Variants in TMTC2 observed in about 807,000 individuals in gnomAD.
The protein encoded by TMTC2 is transmembrane O-mannosyltransferase targeting cadherins 2, also known as protein O-mannosyl-transferase TMTC2.
In TMTC2, 43 loss-of-function variants were observed where a neutral mutation model predicts 82.4. That is an observed-to-expected ratio of 0.52 (90% CI 0.41 to 0.67). TMTC2 has a LOEUF of 0.67. Among genes scored for constraint, TMTC2 ranks in the 30% least tolerant of loss-of-function variants. The probability of loss-of-function intolerance (pLI) is 0.00; values close to 1 mark genes in which losing one functional copy is unlikely to be tolerated. For missense variants in TMTC2, 919 were observed against 1,012.4 expected, an observed-to-expected ratio of 0.91 and a Z score of 1.25; for synonymous variants, 408 against 381.9, an observed-to-expected ratio of 1.07 and a Z score of -0.80.
At position 82,937,786 on chromosome 12, in the gene TMTC2, A is replaced by ATATATG. The variant is rs1565818422; in HGVS notation, c.1598+7246_1598+7247insGTATAT. On this transcript the variant is annotated intron_variant, in intron 4 of 11. Transcript: ENST00000321196. Reference sequence around the variant, plus strand: ...TATATATATATATATATATATATATATATATATATACACACATATATATAT... The same window carrying ATATATG: ...TATATATATATATATATATATATATATATATGTATATATATACACACATATATATAT... Among the ~76,000 whole-genome samples, 47 of 23,132 alleles carry ATATATG rather than the reference A, an allele frequency of 2.0e-3. 1 individual carries two copies. Among genetic ancestry groups the ATATATG allele is most frequent in the South Asian group, 3.8e-3 (2 of 520 alleles). 15.2% of individuals were successfully genotyped at this position (23,132 alleles called of 152,430 possible).
chr12:82,831,428 T>C (rs972990866), intron 1 of TMTC2, among the ~76,000 whole-genome samples: 1 of 152,354 alleles, frequency 6.6e-6, no homozygotes, highest in East Asian at 1.9e-4. Flanking sequence ...ACATTATGTC[T>C]CATTGATCAG....
chr12:83,069,280 C>T (rs531454166), intron 11 of TMTC2, among the ~76,000 whole-genome samples: 1 of 152,162 alleles, frequency 6.6e-6, no homozygotes, highest in Non-Finnish European at 1.5e-5. Flanking sequence ...ACACCATTTT[C>T]CATAGTAGTT....
intron 3 of TMTC2, among the ~76,000 whole-genome samples, chr12:82,919,140 G>T (rs990133404): frequency 1.4e-4 from 21 of 152,338 alleles, no homozygotes; most frequent in East Asian, 7.7e-4. Flanking sequence ...TATTGTGCTG[G>T]CATCTGGCAA....
At chr12:82,927,258 A>G (rs534618506) in intron 3 of TMTC2, among the ~76,000 whole-genome samples, 3 of 152,180 alleles carry the variant, frequency 2.0e-5, no homozygotes, top group South Asian at 2.1e-4. Context: ...GTTGATTCCA[A>G]TCCTTATGGA....
intron 1 of TMTC2, among the ~76,000 whole-genome samples, chr12:82,696,422 A>T (rs1233888313): frequency 6.6e-6 from 1 of 152,194 alleles, no homozygotes; most frequent in African/African-American, 2.4e-5. Flanking sequence ...AGGGATATAT[A>T]CTGATTTAAC....
chr12:82,710,713 C>A (rs1050847229), intron 1 of TMTC2, among the ~76,000 whole-genome samples: 1 of 152,154 alleles, frequency 6.6e-6, no homozygotes, highest in Non-Finnish European at 1.5e-5. Context: ...TCATTGACTA[C>A]TGGGAGTCCT....
intron 7 of TMTC2, among the ~76,000 whole-genome samples, chr12:82,976,103 ATC>A (rs1208619707): frequency 6.6e-6 from 1 of 152,062 alleles, no homozygotes; most frequent in Non-Finnish European, 1.5e-5. Context: ...CACACACACA[ATC>A]TCACTCTATA....
At position 83,041,954 on chromosome 12, in the gene TMTC2, G is replaced by A. The variant is rs115282384; in HGVS notation, c.2153-8950G>A. On this transcript the variant is annotated intron_variant, in intron 9 of 11. Transcript: ENST00000321196. ...CACACACAAACACATTGGTGGGGCA[G>A]GGAGAGAAACAGTTTCTCCAGTCTT... Among the ~76,000 whole-genome samples, 199 of 152,266 alleles carry A rather than the reference G, an allele frequency of 1.3e-3. 1 individual carries two copies. The highest frequency in any genetic ancestry group is 4.4e-3 in the African/African-American group (183 of 41,556).
intron 1 of TMTC2, among the ~76,000 whole-genome samples, chr12:82,734,034 C>T (rs1225792640): frequency 6.6e-6 from 1 of 152,158 alleles, no homozygotes; most frequent in Non-Finnish European, 1.5e-5. Flanking sequence ...TCATTCATGT[C>T]TTCAGTGTCA....
At chr12:82,728,272 C>T (rs1874566482) in intron 1 of TMTC2, among the ~76,000 whole-genome samples, 1 of 151,656 alleles carries the variant, frequency 6.6e-6, no homozygotes, top group Admixed American at 6.6e-5. Context: ...TACCCCAGAG[C>T]CTGGTATACA....
intron 1 of TMTC2, among the ~76,000 whole-genome samples, chr12:82,749,168 A>T (rs1224351353): frequency 6.6e-6 from 1 of 152,220 alleles, no homozygotes; most frequent in Non-Finnish European, 1.5e-5. Flanking sequence ...GGTGGCTCAG[A>T]GTATGTTTGC....
Position 82,857,581 on chromosome 12 carries a change from G to C in TMTC2, c.654+1G>C. ...ACAGATATTACCTACCATTTACAAA[G>C]TAAGTGATTGTTGGCTCTTGAGCAT... On this transcript the variant is annotated splice_donor_variant, in intron 2 of 11. Coordinates refer to ENST00000321196, the MANE Select transcript of TMTC2 (RefSeq NM_152588.3). LOFTEE classifies it high-confidence loss of function. 7.5e-6 allele frequency: 12 copies of C among 1,593,940 alleles called. No individual in the cohort carries two copies. The highest frequency in any genetic ancestry group is 1.0e-5 in the Non-Finnish European group (12 of 1,169,260).
chr12:82,708,482 C>A (rs1873474895), intron 1 of TMTC2, among the ~76,000 whole-genome samples: 1 of 152,160 alleles, frequency 6.6e-6, no homozygotes, highest in South Asian at 2.1e-4. Flanking sequence ...CAGTAAGTGA[C>A]TAGATGGCAT....
chr12:82,898,087 G>A (rs1322142215), intron 3 of TMTC2, among the ~76,000 whole-genome samples: 5 of 152,148 alleles, frequency 3.3e-5, no homozygotes, highest in East Asian at 1.9e-4. Context: ...CTAATTGCTT[G>A]TACTTAACAC....
At chr12:83,024,258 T>A (rs191128171) in intron 8 of TMTC2, among the ~76,000 whole-genome samples, 70 of 152,294 alleles carry the variant, frequency 4.6e-4, no homozygotes, top group African/African-American at 9.1e-4. Context: ...CAAAATTTTT[T>A]TAAAAAATTT....
chr12:82,743,001 T>C (rs1875497785), intron 1 of TMTC2, among the ~76,000 whole-genome samples: 1 of 150,766 alleles, frequency 6.6e-6, no homozygotes. Flanking sequence ...TTTATCTTAT[T>C]TGCTGTCTTT....
Position 82,740,936 on chromosome 12 carries a change from C to G in TMTC2, c.83+53267C>G, listed in dbSNP as rs142785668. ...TCTTCCAAACTCGAGCACAACATAGCCAGCTCTTGACATGGCCTTGAGCTT... is the reference window on the plus strand; with the variant it reads ...TCTTCCAAACTCGAGCACAACATAGGCAGCTCTTGACATGGCCTTGAGCTT... On this transcript the variant is annotated intron_variant, in intron 1 of 11. Transcript: ENST00000321196. Among the ~76,000 whole-genome samples, 36 of 152,336 alleles carry G rather than the reference C, an allele frequency of 2.4e-4. No individual in the cohort carries two copies. In the East Asian group the frequency reaches 5.4e-3, roughly 23 times the overall value.
chr12:82,735,401 A>G (rs1199825932), intron 1 of TMTC2, among the ~76,000 whole-genome samples: 3 of 150,162 alleles, frequency 2.0e-5, no homozygotes, highest in Non-Finnish European at 4.4e-5. Flanking sequence ...GCTGGAGTGC[A>G]GTGGCGCGAT....
intron 11 of TMTC2, among the ~76,000 whole-genome samples, chr12:83,083,725 A>G (rs1248742507): frequency 6.6e-6 from 1 of 152,188 alleles, no homozygotes; most frequent in Non-Finnish European, 1.5e-5. Context: ...AACATTTTAA[A>G]CATGTTAAAA....
Sources: allele counts gnomAD v4.1 joint callset (sites outside exome capture counted in the v4.1 genomes callset), GRCh38; gene constraint gnomAD v4.1.1; transcripts MANE v1.5; gene names NCBI Gene and HGNC (gene_info 2026-07-23, HGNC 2026-07-21).